Variants in MGAT4C observed in about 807,000 individuals in gnomAD.
MGAT4C encodes alpha-1,3-mannosyl-glycoprotein 4-beta-N-acetylglucosaminyltransferase C.
A neutral mutation model predicts 40.1 loss-of-function variants in MGAT4C; 19 were observed. That is an observed-to-expected ratio of 0.47 (90% confidence interval 0.33 to 0.70). The LOEUF (loss-of-function observed/expected upper bound fraction) is 0.70, where lower values mean the gene tolerates loss of function less well. MGAT4C is among the 30% of genes least tolerant of loss of function. The pLI, the probability that MGAT4C is intolerant of heterozygous loss-of-function variation, is 0.02. For synonymous variants in MGAT4C, 181 were observed against 187.1 expected, an observed-to-expected ratio of 0.97 and a Z score of 0.27; for missense variants, 491 against 563.2, an observed-to-expected ratio of 0.87 and a Z score of 1.30.
At chr12:86,289,190 C>T (rs1278357486) in intron 4 of MGAT4C, among the ~76,000 whole-genome samples, 2 of 152,126 alleles carry the variant, frequency 1.3e-5, no homozygotes, top group Non-Finnish European at 2.9e-5. Context: ...CTGTTTTTGT[C>T]AACTTTGTTG....
intron 4 of MGAT4C, among the ~76,000 whole-genome samples, chr12:86,275,352 A>C (rs1374103815): frequency 1.3e-5 from 2 of 151,998 alleles, no homozygotes; most frequent in Non-Finnish European, 2.9e-5. Context: ...TTATCCTTCT[A>C]AACTTGTGTC....
rs1883626371 is a variant in MGAT4C at position 85,971,617 on chromosome 12, T to C, written c.*7672A>G. The C allele has an allele frequency of 6.6e-6, 1 of 151,254 alleles. No individual in the cohort carries two copies. Among genetic ancestry groups the C allele is most frequent in the Admixed American group, 6.6e-5 (1 of 15,146 alleles). 9.4% of individuals were successfully genotyped at this position (151,254 alleles called of 1,614,324 possible). A position where few individuals can be genotyped will look rare whatever the true frequency, so the allele number is the denominator to read the frequency against. On this transcript the variant is annotated 3_prime_UTR_variant, in exon 5 of 5. Transcript: ENST00000611864. ...TCATTAAGAATAAACTTGACCTGTT[T>C]GTTCTAGTAAGTAAAAACACTAGAT...
chr12:86,229,296 A>G (rs1468334241), intron 1 of MGAT4C, among the ~76,000 whole-genome samples: 2 of 151,960 alleles, frequency 1.3e-5, no homozygotes, highest in African/African-American at 4.8e-5. Context: ...TATTATTAAT[A>G]CAATAAATAG....
chr12:86,824,753 A>AAG (rs145243875), intron 1 of MGAT4C, among the ~76,000 whole-genome samples: 11 of 143,456 alleles, frequency 7.7e-5, no homozygotes, highest in East Asian at 4.0e-4. Flanking sequence ...AAAAAAAAAA[A>AAG]AGAGAGAGAG....
chr12:86,095,259 G>A (rs1873704371), intron 1 of MGAT4C, among the ~76,000 whole-genome samples: 1 of 152,026 alleles, frequency 6.6e-6, no homozygotes, highest in Admixed American at 6.6e-5. Flanking sequence ...TTGAAAGAAT[G>A]AGGAAAAATG....
At chr12:86,689,372 T>G (rs1950133378) in intron 2 of MGAT4C, among the ~76,000 whole-genome samples, 1 of 152,164 alleles carries the variant, frequency 6.6e-6, no homozygotes, top group Non-Finnish European at 1.5e-5. Context: ...CTCCATCCAG[T>G]TTTTTTCCCT....
At chr12:86,610,588 TTTATTA>T (rs781737030) in intron 2 of MGAT4C, among the ~76,000 whole-genome samples, 8 of 151,136 alleles carry the variant, frequency 5.3e-5, no homozygotes, top group East Asian at 1.9e-4. Flanking sequence ...TTTCTTTTTG[TTTATTA>T]TTATTATTAT....
intron 2 of MGAT4C, among the ~76,000 whole-genome samples, chr12:86,499,648 A>G (rs991406055): frequency 2.0e-5 from 3 of 151,828 alleles, no homozygotes; most frequent in African/African-American, 4.8e-5. Flanking sequence ...TGGTACCTCA[A>G]TATTTTTGCC....
chr12:86,536,049 G>A (rs754472926), intron 2 of MGAT4C, among the ~76,000 whole-genome samples: 2 of 151,956 alleles, frequency 1.3e-5, no homozygotes, highest in African/African-American at 2.4e-5. Flanking sequence ...AGATAATAAT[G>A]AGTACAATGC....
chr12:86,239,320 T>A (rs1951682264), intron 1 of MGAT4C, among the ~76,000 whole-genome samples: 4 of 152,046 alleles, frequency 2.6e-5, no homozygotes, highest in Admixed American at 2.0e-4. Flanking sequence ...CTACTTTTGC[T>A]GTAAAATGCC....
chr12:86,337,417 C>T (rs1350860001), intron 3 of MGAT4C, among the ~76,000 whole-genome samples: 3 of 151,482 alleles, frequency 2.0e-5, no homozygotes, highest in Non-Finnish European at 4.4e-5. Flanking sequence ...GGCAACATGG[C>T]GAAACCCTGC....
At chr12:86,500,634 C>T (rs938664108) in intron 2 of MGAT4C, among the ~76,000 whole-genome samples, 6 of 151,836 alleles carry the variant, frequency 4.0e-5, no homozygotes, top group Admixed American at 6.6e-5. Flanking sequence ...TTACAGAGAA[C>T]CTTCTCAAAC....
intron 1 of MGAT4C, among the ~76,000 whole-genome samples, chr12:86,112,709 T>G (rs776778558): frequency 2.0e-5 from 3 of 151,824 alleles, no homozygotes; most frequent in Non-Finnish European, 4.4e-5. Context: ...TGGGTTATAG[T>G]AGCCATGAAA....
intron 2 of MGAT4C, among the ~76,000 whole-genome samples, chr12:86,499,075 T>C (rs2136331789): frequency 6.6e-6 from 1 of 152,090 alleles, no homozygotes; most frequent in Admixed American, 6.6e-5. Flanking sequence ...AGAAATGTTG[T>C]CTTTTTTATT....
intron 2 of MGAT4C, among the ~76,000 whole-genome samples, chr12:86,047,576 G>A (rs1186589530): frequency 2.0e-5 from 3 of 152,112 alleles, no homozygotes; most frequent in African/African-American, 7.2e-5. Flanking sequence ...ACAGAATGCA[G>A]GAGATAAACC....
intron 1 of MGAT4C, among the ~76,000 whole-genome samples, chr12:86,201,363 T>G (rs1950042481): frequency 6.6e-6 from 1 of 151,622 alleles, no homozygotes; most frequent in African/African-American, 2.4e-5. Flanking sequence ...TTGTTCTACT[T>G]GTTTATTATT....
chr12:86,608,033 T>G (rs538652006), intron 2 of MGAT4C, among the ~76,000 whole-genome samples: 1 of 152,254 alleles, frequency 6.6e-6, no homozygotes, highest in East Asian at 1.9e-4. Context: ...ATGTGCACCC[T>G]ATATTCACTT....
chr12:86,040,575 C>A (rs1352482679), intron 2 of MGAT4C, among the ~76,000 whole-genome samples: 2 of 152,174 alleles, frequency 1.3e-5, no homozygotes, highest in South Asian at 4.1e-4. Context: ...ATGGCGGAAG[C>A]CCCTCTCCTC....
intron 1 of MGAT4C, among the ~76,000 whole-genome samples, chr12:86,152,900 G>GT (rs925732916): frequency 1.3e-5 from 2 of 151,976 alleles, no homozygotes; most frequent in African/African-American, 2.4e-5. Context: ...CCTCTCTTGC[G>GT]TTTTTTTTCC....
Sources: gnomAD v4.1 joint callset for allele counts (sites outside exome capture counted in the v4.1 genomes callset) on GRCh38, gnomAD v4.1.1 for gene constraint, MANE v1.5 for transcripts, NCBI Gene and HGNC (gene_info 2026-07-23, HGNC 2026-07-21) for gene names.